Variants in FBXL17 observed in about 807,000 individuals in gnomAD.
FBXL17 encodes F-box/LRR-repeat protein 17.
A neutral mutation model predicts 66.2 loss-of-function variants in FBXL17; 22 were observed. That is an observed-to-expected ratio of 0.33 (90% CI 0.24 to 0.47). The LOEUF (loss-of-function observed/expected upper bound fraction) is 0.47. Ranked by LOEUF, FBXL17 falls within the 20% of genes least tolerant of loss-of-function variation. The pLI is 1.00. For synonymous variants in FBXL17, 474 were observed against 400.5 expected, an observed-to-expected ratio of 1.18 and a Z score of -2.19; for missense variants, 878 against 948.2, an observed-to-expected ratio of 0.93 and a Z score of 0.97.
chr5:107,918,134 C>G (rs929561046), intron 7 of FBXL17, among the ~76,000 whole-genome samples: 1 of 152,154 alleles, frequency 6.6e-6, no homozygotes, highest in Non-Finnish European at 1.5e-5. Context: ...TACTCACCCT[C>G]AGGAATGCAG....
chr5:107,875,611 T>G (rs1314555267), intron 8 of FBXL17, among the ~76,000 whole-genome samples: 1 of 152,242 alleles, frequency 6.6e-6, no homozygotes, highest in Admixed American at 6.5e-5. Flanking sequence ...TGTATTGGCT[T>G]CTTATGGATT....
chr5:108,118,522 T>A (rs1336141295), intron 6 of FBXL17, among the ~76,000 whole-genome samples: 2 of 152,180 alleles, frequency 1.3e-5, no homozygotes, highest in African/African-American at 2.4e-5. Flanking sequence ...TTCCTTTCCA[T>A]TTTGGTTTTC....
At chr5:108,017,279 G>A (rs542177433) in intron 7 of FBXL17, among the ~76,000 whole-genome samples, 24 of 152,152 alleles carry the variant, frequency 1.6e-4, no homozygotes, top group Non-Finnish European at 3.2e-4. Flanking sequence ...ACTTTTTGCT[G>A]TATCTTTTTC....
chr5:108,121,541 T>C (rs1057028449), intron 6 of FBXL17, among the ~76,000 whole-genome samples: 4 of 152,116 alleles, frequency 2.6e-5, no homozygotes, highest in African/African-American at 4.8e-5. Flanking sequence ...ATAAATCTAA[T>C]TGATACAAAA....
At chr5:108,224,538 C>CAT (rs1273542661) in intron 4 of FBXL17, among the ~76,000 whole-genome samples, 2 of 143,458 alleles carry the variant, frequency 1.4e-5, no homozygotes, top group African/African-American at 5.9e-5. Flanking sequence ...TACACACACA[C>CAT]ACACACACAC....
At chr5:108,234,315 G>A (rs916793174) in intron 4 of FBXL17, among the ~76,000 whole-genome samples, 6 of 152,092 alleles carry the variant, frequency 3.9e-5, no homozygotes, top group Admixed American at 6.6e-5. Context: ...AGGCCTTAAC[G>A]TGTGCCCAGC....
intron 6 of FBXL17, among the ~76,000 whole-genome samples, chr5:108,100,266 A>C (rs1300502336): frequency 6.6e-6 from 1 of 152,178 alleles, no homozygotes; most frequent in African/African-American, 2.4e-5. Flanking sequence ...CTATGAAACC[A>C]TCAGTCTGAA....
chr5:107,980,664 A>ATATATATATTTTTTTTTTTT lies in FBXL17; in HGVS notation c.1822+40260_1822+40261insAAAAAAAAAAAATATATATA. ...TAAAATAATATATATATATATATAT[A>ATATATATATTTTTTTTTTTT]TTTTTTTTTTGAGATGGAGTCTTGC... On this transcript the variant is annotated intron_variant, in intron 7 of 8. Transcript: ENST00000542267. Among the ~76,000 whole-genome samples the ATATATATATTTTTTTTTTTT allele has an allele frequency of 2.1e-4, 13 of 62,066 alleles. No homozygotes were observed. In the East Asian group the frequency reaches 5.3e-3, roughly 25 times the overall value. The allele number at this position is 62,066 out of a possible 152,430, so 40.7% of individuals were successfully genotyped here.
At chr5:107,879,762 A>G in intron 8 of FBXL17, 1 of 985,442 alleles carries the variant, frequency 1.0e-6, no homozygotes, top group East Asian at 1.1e-4. Context: ...CAAAAGTAGC[A>G]CACATGTGTA....
chr5:108,255,719 T>C (rs1414529180), intron 4 of FBXL17, among the ~76,000 whole-genome samples: 2 of 152,066 alleles, frequency 1.3e-5, no homozygotes, highest in African/African-American at 4.8e-5. Flanking sequence ...CACATAAATA[T>C]TATATATAGC....
At chr5:108,135,315 G>A (rs1270303161) in intron 6 of FBXL17, among the ~76,000 whole-genome samples, 2 of 152,064 alleles carry the variant, frequency 1.3e-5, no homozygotes, top group East Asian at 1.9e-4. Flanking sequence ...CTTTCAATAC[G>A]AACTAGGAGT....
chr5:107,923,889 C>T (rs1056085755), intron 7 of FBXL17, among the ~76,000 whole-genome samples: 2 of 151,916 alleles, frequency 1.3e-5, no homozygotes, highest in Middle Eastern at 3.2e-3. Flanking sequence ...TGGAGGGTGT[C>T]AGACAAACAT....
intron 4 of FBXL17, among the ~76,000 whole-genome samples, chr5:108,226,166 A>C (rs1313868453): frequency 2.6e-5 from 4 of 152,028 alleles, no homozygotes; most frequent in African/African-American, 9.7e-5. Context: ...TCCCCTCTCA[A>C]AATAACTCTT....
intron 6 of FBXL17, among the ~76,000 whole-genome samples, chr5:108,154,616 T>TACACACACAC (rs768615062): frequency 4.2e-4 from 40 of 96,280 alleles, no homozygotes; most frequent in African/African-American, 1.7e-3. Flanking sequence ...AATATATATA[T>TACACACACAC]ACACACACAC....
intron 7 of FBXL17, among the ~76,000 whole-genome samples, chr5:107,952,999 C>G (rs1052404075): frequency 2.0e-5 from 3 of 152,094 alleles, no homozygotes; most frequent in Admixed American, 2.0e-4. Context: ...GTCAGATGTA[C>G]TTTTGTAGAT....
chr5:107,992,088 TTGTGTGTGTGTGTG>T (rs3039988), intron 7 of FBXL17, among the ~76,000 whole-genome samples: 2 of 149,132 alleles, frequency 1.3e-5, no homozygotes, highest in African/African-American at 4.9e-5. Context: ...ATCATATTAA[TTGTGTGTGTGTGTG>T]TGTGTGTGTG....
chr5:108,295,624 A>T (rs1758314808), intron 4 of FBXL17, among the ~76,000 whole-genome samples: 1 of 152,026 alleles, frequency 6.6e-6, no homozygotes, highest in Non-Finnish European at 1.5e-5. Context: ...CTGTTTTCAA[A>T]GAGTTCACAA....
At chr5:108,033,768 G>A (rs1404790854) in intron 6 of FBXL17, among the ~76,000 whole-genome samples, 3 of 152,068 alleles carry the variant, frequency 2.0e-5, no homozygotes, top group Non-Finnish European at 4.4e-5. Context: ...CAACATAGAT[G>A]TTATCAGGCT....
chr5:108,347,192 T>G (rs1747337153), intron 4 of FBXL17, among the ~76,000 whole-genome samples: 1 of 152,170 alleles, frequency 6.6e-6, no homozygotes, highest in South Asian at 2.1e-4. Flanking sequence ...ATGGTATAGC[T>G]TTTATTGCCC....
Sources: gnomAD v4.1 joint callset for allele counts (sites outside exome capture counted in the v4.1 genomes callset) on GRCh38, gnomAD v4.1.1 for gene constraint, MANE v1.5 for transcripts, NCBI Gene and HGNC (gene_info 2026-07-23, HGNC 2026-07-21) for gene names.